STK31: variants seen among roughly 807,000 people sequenced by gnomAD.
The protein encoded by STK31 is serine/threonine-protein kinase 31.
Under a neutral mutation model 129.7 loss-of-function variants are expected in STK31, and 89 were observed. That is an observed-to-expected ratio of 0.69 (90% CI 0.58 to 0.82). The LOEUF is 0.82. Ranked by LOEUF, STK31 falls within the 40% of genes least tolerant of loss-of-function variation. STK31 has a pLI of 0.00. For synonymous variants in STK31, 448 were observed against 395.3 expected, an observed-to-expected ratio of 1.13 and a Z score of -1.58; for missense variants, 1,187 against 1,176.4, an observed-to-expected ratio of 1.01 and a Z score of -0.13.
intron 8 of STK31, among the ~76,000 whole-genome samples, chr7:23,747,445 C>G (rs1788427539): frequency 6.6e-6 from 1 of 152,062 alleles, no homozygotes; most frequent in African/African-American, 2.4e-5. Flanking sequence ...TGTCTGCTCA[C>G]TGCAAGCCCC....
rs751214139 is a variant in STK31 at position 23,729,105 on chromosome 7, C to G, written c.339C>G (p.Tyr113Ter). The change falls in exon 6 of 24, where the codon TAC (tyrosine) becomes TAG (stop). Residue 113 changes from tyrosine (Y) to a stop codon, truncating the protein, a stop_gained. Transcript: ENST00000355870. LOFTEE classifies it high-confidence loss of function. Reference sequence around the variant, plus strand: ...ATTTTTTCCAGTGTCTGGTGAGGTACATTGACTATGGAAATACTGAAATTC... The same window carrying G: ...ATTTTTTCCAGTGTCTGGTGAGGTAGATTGACTATGGAAATACTGAAATTC... ...IISVEKCLVRYIDYGNTEILN... is the reference protein window; with the variant it reads ...IISVEKCLVR 2 of 1,607,802 alleles carry G rather than the reference C, an allele frequency of 1.2e-6. No homozygotes were observed. Among genetic ancestry groups the G allele is most frequent in the Non-Finnish European group, 1.7e-6 (2 of 1,178,354 alleles).
chr7:23,810,365 A>C (rs1010610122), intron 22 of STK31, among the ~76,000 whole-genome samples: 1 of 151,264 alleles, frequency 6.6e-6, no homozygotes, highest in African/African-American at 2.4e-5. Flanking sequence ...TCTGTCTTTT[A>C]ATTGGGGTTT....
At chr7:23,814,166 A>ATTTTTTTTTTTTTTTT (rs1584490648) in intron 22 of STK31, among the ~76,000 whole-genome samples, 1 of 16,608 alleles carries the variant, frequency 6.0e-5, no homozygotes. Context: ...TTTTTTTTTC[A>ATTTTTTTTTTTTTTTT]GTTGGGAGGG....
intron 10 of STK31, 141 bp from the exon 11 acceptor site, chr7:23,762,660 G>A: frequency 1.1e-6 from 1 of 874,030 alleles, no homozygotes; most frequent in Non-Finnish European, 1.6e-6. Flanking sequence ...TCATTTTGTT[G>A]ATCTAAGGAG....
intron 21 of STK31, among the ~76,000 whole-genome samples, chr7:23,789,836 TTG>T (rs1332042119): frequency 8.5e-5 from 13 of 152,156 alleles, no homozygotes; most frequent in Non-Finnish European, 1.8e-4. Flanking sequence ...CCCCAAAACA[TTG>T]TTTTTAATTT....
intron 1 of STK31, chr7:23,710,705 G>A (rs895615047): frequency 5.4e-5 from 59 of 1,099,672 alleles, no homozygotes; most frequent in Non-Finnish European, 6.7e-6. Flanking sequence ...GTGGAGATTT[G>A]GACGTACTAT....
intron 22 of STK31, among the ~76,000 whole-genome samples, chr7:23,795,361 G>A (rs1296478639): frequency 1.3e-5 from 2 of 152,226 alleles, no homozygotes; most frequent in African/African-American, 4.8e-5. Context: ...GTCAAGAATG[G>A]TGGTTTGGGA....
intron 15 of STK31, among the ~76,000 whole-genome samples, chr7:23,776,617 T>C (rs1269225025): frequency 6.6e-6 from 1 of 152,224 alleles, no homozygotes; most frequent in East Asian, 1.9e-4. Flanking sequence ...TCGATTTGCA[T>C]AGAGGTGTTT....
intron 22 of STK31, among the ~76,000 whole-genome samples, chr7:23,812,111 C>T (rs140614739): frequency 5.3e-5 from 8 of 152,124 alleles, no homozygotes; most frequent in African/African-American, 1.9e-4. Context: ...CTTCCTTTAG[C>T]CACTCTTTAA....
intron 6 of STK31, among the ~76,000 whole-genome samples, chr7:23,734,854 A>T (rs745305838): frequency 5.3e-5 from 8 of 152,124 alleles, no homozygotes; most frequent in Non-Finnish European, 7.4e-5. Flanking sequence ...AGTCCCGGTT[A>T]CTGGGGAGGC....
chr7:23,756,440 A>C (rs1030640477), intron 10 of STK31, among the ~76,000 whole-genome samples: 3 of 152,210 alleles, frequency 2.0e-5, no homozygotes, highest in Non-Finnish European at 2.9e-5. Flanking sequence ...TGTCGTCTGC[A>C]AACAGACAAC....
At chr7:23,783,334 A>G (rs547611139) in intron 16 of STK31, among the ~76,000 whole-genome samples, 1 of 152,312 alleles carries the variant, frequency 6.6e-6, no homozygotes, top group East Asian at 1.9e-4. Context: ...GCTAGGTTGC[A>G]GTTCATCCAC....
chr7:23,823,768 T>A (rs534181855), intron 23 of STK31, among the ~76,000 whole-genome samples: 20 of 152,318 alleles, frequency 1.3e-4, no homozygotes, highest in African/African-American at 4.8e-4. Context: ...TTGAATTAAT[T>A]TTTGTATAAG....
At chr7:23,813,726 T>C (rs1793296145) in intron 22 of STK31, among the ~76,000 whole-genome samples, 1 of 152,200 alleles carries the variant, frequency 6.6e-6, no homozygotes. Context: ...CTTCTAAGTA[T>C]GGGAATGGAG....
At chr7:23,739,965 T>C (rs112800077) in intron 8 of STK31, among the ~76,000 whole-genome samples, 19,202 of 152,234 alleles carry the variant, frequency 0.13, 1,305 homozygotes, top group East Asian at 0.22. Context: ...GGGCTCTTTT[T>C]GGTTCCATAT....
At chr7:23,830,347 T>C (rs978699723) in intron 23 of STK31, among the ~76,000 whole-genome samples, 2 of 152,178 alleles carry the variant, frequency 1.3e-5, no homozygotes, top group Admixed American at 1.3e-4. Flanking sequence ...GGTTGTTTAT[T>C]TGTAATCTTA....
At chr7:23,796,001 G>A (rs1791926982) in intron 22 of STK31, among the ~76,000 whole-genome samples, 1 of 152,208 alleles carries the variant, frequency 6.6e-6, no homozygotes, top group African/African-American at 2.4e-5. Context: ...ATGCTTAAAT[G>A]AGTTAAAACT....
At chr7:23,832,061 A>G in intron 23 of STK31, 75 bp from the exon 24 acceptor site, 1 of 1,052,998 alleles carries the variant, frequency 9.5e-7, no homozygotes, top group Admixed American at 2.1e-5. Flanking sequence ...TATTGAAAAA[A>G]TAAGTCCACT....
At chr7:23,746,398 C>CTCCT (rs1404024515) in intron 8 of STK31, among the ~76,000 whole-genome samples, 2 of 152,166 alleles carry the variant, frequency 1.3e-5, no homozygotes, top group Non-Finnish European at 2.9e-5. Context: ...TCTCTTCTTT[C>CTCCT]TCCTTCCTTC....
Sources: allele counts gnomAD v4.1 joint callset (sites outside exome capture counted in the v4.1 genomes callset), GRCh38; gene constraint gnomAD v4.1.1; transcripts MANE v1.5; gene names NCBI Gene and HGNC (gene_info 2026-07-23, HGNC 2026-07-21).